SEMA6C: variants seen among roughly 807,000 people sequenced by gnomAD.
SEMA6C encodes the protein semaphorin 6C.
SEMA6C carries 37 observed loss-of-function variants against 72.9 expected under a neutral mutation model. The observed-to-expected ratio is 0.51, with a 90% CI of 0.39 to 0.67. The LOEUF (loss-of-function observed/expected upper bound fraction) is 0.67. Ranked by LOEUF, SEMA6C falls within the 30% of genes least tolerant of loss-of-function variation. The probability of loss-of-function intolerance (pLI) is 0.00; values close to 1 mark genes in which losing one functional copy is unlikely to be tolerated. For synonymous variants in SEMA6C, 578 were observed against 554.1 expected, an observed-to-expected ratio of 1.04 and a Z score of -0.61; for missense variants, 1,189 against 1,263.6, an observed-to-expected ratio of 0.94 and a Z score of 0.89.
Position 151,135,750 on chromosome 1 carries a change from T to G in SEMA6C, c.1274A>C (p.Gln425Pro). ...LTLTSRALLT[Q>P]VAVDGMAGPH... Reference sequence around the variant, plus strand: ...ACCAGCCATGCCATCCACAGCTACTTGGGTCAGTAGGGCCCTGGAGGAAAG... The same window carrying G: ...ACCAGCCATGCCATCCACAGCTACTGGGGTCAGTAGGGCCCTGGAGGAAAG... Residue 425 changes from glutamine to proline, a missense_variant, in exon 14 of 19, where the codon CAA (glutamine) becomes CCA (proline). Physicochemically the swap from Gln to Pro is moderately conservative, Grantham distance 76. This residue lies in a region of SEMA6C where 468 missense variants were observed against 577.4 expected (regional missense o/e 0.81). Coordinates refer to ENST00000368914, the MANE Select transcript of SEMA6C (RefSeq NM_030913.6). The G allele has an allele frequency of 6.2e-7, 1 of 1,614,116 alleles. No individual in the cohort carries two copies. The highest frequency in any genetic ancestry group is 8.5e-7 in the Non-Finnish European group (1 of 1,179,974).
chr1:151,133,102 C>G lies in SEMA6C; in HGVS notation c.2175G>C (p.Arg725Ser). ...AGDPWEWNQN[R>S]NNAKEGPGRS... ...GGCCCGGACCCTCCTTGGCGTTGTT[C>G]CTGTTCTGGTTCCACTCCCAGGGGT... Residue 725 changes from arginine to serine, a missense_variant, in exon 19 of 19, where the codon AGG (arginine) becomes AGC (serine). By Grantham distance (110) the Arg-to-Ser change is moderately radical. Around this residue, in one of 2 missense-constraint regions of SEMA6C, gnomAD observed 721 missense variants for 686.2 expected, o/e 1.05. Transcript: ENST00000368914. The surrounding 1 kb of genome is among the most constrained non-coding windows in gnomAD (Gnocchi z 5.9). 1 of 1,564,932 alleles carries G rather than the reference C, an allele frequency of 6.4e-7. No individual in the cohort carries two copies. The highest frequency in any genetic ancestry group is 8.6e-7 in the Non-Finnish European group (1 of 1,167,022).
chr1:151,138,488 C>T, intron 7 of SEMA6C, 82 bp from the exon 8 acceptor site: 1 of 1,461,160 alleles, frequency 6.8e-7, no homozygotes, highest in South Asian at 1.2e-5. Context: ...TGTCCCGTTG[C>T]CTCCTCCCCA....
In SEMA6C at chr1:151,138,621, C is replaced by A. The variant is rs751871423; in HGVS notation, c.456+9G>T. 1 of 1,613,106 alleles carries A rather than the reference C, an allele frequency of 6.2e-7. No homozygotes were observed. Among genetic ancestry groups the A allele is most frequent in the Non-Finnish European group, 8.5e-7 (1 of 1,178,992 alleles). On this transcript the variant is annotated intron_variant, in intron 7 of 18. Transcript: ENST00000368914. ...ACTCCCATCCTAACCCCCACCCTCT[C>A]TTTTGTACCCCATAGCTGCGGCACA...
chr1:151,143,523 T>G (rs1682728605), intron 2 of SEMA6C, among the ~76,000 whole-genome samples: 1 of 152,138 alleles, frequency 6.6e-6, no homozygotes, highest in African/African-American at 2.4e-5. Flanking sequence ...TACAAGGGAC[T>G]AGTGAAGCAA....
At chr1:151,141,890 C>T (rs1682584423) in intron 3 of SEMA6C, among the ~76,000 whole-genome samples, 1 of 151,766 alleles carries the variant, frequency 6.6e-6, no homozygotes, top group Non-Finnish European at 1.5e-5. Context: ...CCTGAGTACC[C>T]ACCACTGGCT....
intron 11 of SEMA6C, 94 bp downstream of exon 11, chr1:151,136,763 C>G (rs1392810880): frequency 7.2e-7 from 1 of 1,394,508 alleles, no homozygotes; most frequent in Non-Finnish European, 1.0e-6. Context: ...TCGGAGGTTC[C>G]CTTAACTGCC....
chr1:151,138,553 G>A (rs1572035768), intron 7 of SEMA6C, 77 bp downstream of exon 7: 2 of 1,500,266 alleles, frequency 1.3e-6, no homozygotes, highest in Admixed American at 3.5e-5. Context: ...GCAGTCCTTG[G>A]TCCTTTCCCA....
In SEMA6C at chr1:151,135,228, C is replaced by T; in HGVS notation, c.1515G>A (p.Val505=). The T allele has an allele frequency of 6.2e-7, 1 of 1,614,230 alleles. No homozygotes were observed. Among genetic ancestry groups the T allele is most frequent in the Non-Finnish European group, 8.5e-7 (1 of 1,180,040 alleles). ...ELDTEGHRLF[V]AFSGCIVYLP... Reference sequence around the variant, plus strand: ...GGTAGACAATACAGCCAGAAAAAGCCACAAAAAGCCTGTGACCCTCAGTGT... The same window carrying T: ...GGTAGACAATACAGCCAGAAAAAGCTACAAAAAGCCTGTGACCCTCAGTGT... The change falls in exon 15 of 19, where the codon GTG becomes GTA. Residue 505 remains valine, a synonymous_variant. Transcript: ENST00000368914.
chr1:151,135,832 A>C (rs982263927), intron 13 of SEMA6C, 68 bp from the exon 14 acceptor site: 9 of 1,568,416 alleles, frequency 5.7e-6, no homozygotes, highest in Non-Finnish European at 7.8e-6. Context: ...GGAGAGCCCA[A>C]CTGCCTTGGT....
At chr1:151,134,519 CAGA>C (rs1440825694) in intron 17 of SEMA6C, 74 bp from the exon 18 acceptor site, 2 of 1,605,494 alleles carry the variant, frequency 1.2e-6, no homozygotes, top group Non-Finnish European at 1.7e-6. Context: ...GACTGTGCCA[CAGA>C]AGGAGAGAAG....
intron 2 of SEMA6C, 73 bp from the exon 3 acceptor site, chr1:151,142,748 T>G: frequency 1.4e-6 from 1 of 713,576 alleles, no homozygotes. Context: ...AGCAGGCTCC[T>G]CTCCTGGTGT....
At position 151,136,546 on chromosome 1, in the gene SEMA6C, C is replaced by T. The variant is rs368620962; in HGVS notation, c.1008G>A (p.Leu336=). 2 of 1,613,986 alleles carry T rather than the reference C, an allele frequency of 1.2e-6. No homozygotes were observed. Among genetic ancestry groups the T allele is most frequent in the African/African-American group, 1.3e-5 (1 of 74,908 alleles). The change falls in exon 12 of 19, where the codon CTG becomes CTA. Residue 336 remains leucine (L), a synonymous_variant. Coordinates refer to ENST00000368914, the MANE Select transcript of SEMA6C (RefSeq NM_030913.6). ...IPGSAVCAFY[L]DEIERGFEGK... Reference sequence around the variant, plus strand: ...CCTCAAACCCACGCTCAATCTCATCCAGGTAGAAGGCGCAGACGGCAGAGC... The same window carrying T: ...CCTCAAACCCACGCTCAATCTCATCTAGGTAGAAGGCGCAGACGGCAGAGC...
rs587701198 is a variant in SEMA6C, at chr1:151,143,431, C to G, written c.-54-756G>C. Among the ~76,000 whole-genome samples the G allele has an allele frequency of 5.3e-5, 8 of 152,320 alleles. No individual in the cohort carries two copies. In the South Asian group the frequency reaches 1.7e-3, roughly 32 times the overall value. On this transcript the variant is annotated intron_variant, in intron 2 of 18. Transcript: ENST00000368914. ...CACCCCCTCCAGGCTCTCTAGCCCC[C>G]TGCTCCTTCCCTGGCTCCTAAGAAC...
chr1:151,138,770 C>G, intron 6 of SEMA6C, 39 bp from the exon 7 acceptor site: 1 of 1,505,130 alleles, frequency 6.6e-7, no homozygotes, highest in Non-Finnish European at 9.2e-7. Context: ...ACAGAGGGTC[C>G]TGGGACTGAG....
At chr1:151,140,191 G>C (rs1334249208) in intron 3 of SEMA6C, 101 bp from the exon 4 acceptor site, 5 of 913,532 alleles carry the variant, frequency 5.5e-6, no homozygotes, top group East Asian at 2.6e-5. Flanking sequence ...GGATGTGTGA[G>C]GTTAGAGTGC....
In SEMA6C at chr1:151,132,272, G is replaced by C; in HGVS notation, c.*212C>G. The C allele has an allele frequency of 6.5e-7, 1 of 1,530,660 alleles. No homozygotes were observed. The highest frequency in any genetic ancestry group is 2.0e-5 in the Admixed American group (1 of 50,814). 94.8% of individuals were successfully genotyped at this position (1,530,660 alleles called of 1,614,324 possible). A position where few individuals can be genotyped will look rare whatever the true frequency, so the allele number is the denominator to read the frequency against. On this transcript the variant is annotated 3_prime_UTR_variant, in exon 19 of 19. Coordinates refer to ENST00000368914, the MANE Select transcript of SEMA6C (RefSeq NM_030913.6). ...CCCTGAAATGCTGGCTCACTGAGGA[G>C]ACGGGCTTCTCACCTCCCACTCTTC...
chr1:151,142,882 G>A (rs2101651155), intron 2 of SEMA6C, among the ~76,000 whole-genome samples: 1 of 152,296 alleles, frequency 6.6e-6, no homozygotes, highest in Admixed American at 6.5e-5. Flanking sequence ...TGGCTGGTGT[G>A]AGGCCTGCCT....
chr1:151,135,892 T>C, intron 13 of SEMA6C, 119 bp downstream of exon 13: 1 of 1,525,742 alleles, frequency 6.6e-7, no homozygotes, highest in Admixed American at 1.9e-5. Flanking sequence ...TTCTTAGCTC[T>C]CTCCCTTCTA....
intron 5 of SEMA6C, 34 bp from the exon 6 acceptor site, chr1:151,139,515 G>A (rs1329316488): frequency 1.9e-6 from 3 of 1,606,838 alleles, no homozygotes; most frequent in East Asian, 4.5e-5. Flanking sequence ...AAAATCATGG[G>A]CAACTGGGTT....
Sources: gnomAD v4.1 joint callset for allele counts (sites outside exome capture counted in the v4.1 genomes callset) on GRCh38, gnomAD v4.1.1 for gene constraint, gnomAD v4.1.1 regional missense constraint, Gnocchi (gnomAD v3.1) non-coding constraint, MANE v1.5 for transcripts, NCBI Gene and HGNC (gene_info 2026-07-23, HGNC 2026-07-21) for gene names.